The following KLHDC10 variants were observed in gnomAD, a reference collection of about 807,000 sequenced individuals.
KLHDC10 encodes the protein kelch domain-containing protein 10.
KLHDC10 carries 24 observed loss-of-function variants against 56.1 expected under a neutral mutation model. That is an observed-to-expected ratio of 0.43 (90% confidence interval 0.31 to 0.60). The LOEUF (loss-of-function observed/expected upper bound fraction) is 0.60, where lower values mean the gene tolerates loss of function less well. Ranked by LOEUF, KLHDC10 falls within the 20% of genes least tolerant of loss-of-function variation. The pLI is 0.11. For synonymous variants in KLHDC10, 188 were observed against 207.1 expected (o/e 0.91, Z 0.79); for missense variants, 349 against 567.0 (o/e 0.62, Z 3.91).
At chr7:130,074,686 T>A (rs1049242990) in intron 1 of KLHDC10, among the ~76,000 whole-genome samples, 1 of 150,798 alleles carries the variant, frequency 6.6e-6, no homozygotes, top group Non-Finnish European at 1.5e-5. Flanking sequence ...AGTGGCGCAA[T>A]GTCACTGCAA....
At chr7:130,098,542 C>T (rs775061516) in intron 2 of KLHDC10, among the ~76,000 whole-genome samples, 16 of 152,072 alleles carry the variant, frequency 1.1e-4, no homozygotes, top group Non-Finnish European at 1.0e-4. Flanking sequence ...ATTGTACACA[C>T]ATGGCCAAGC....
At chr7:130,085,021 T>C (rs1414362258) in intron 1 of KLHDC10, among the ~76,000 whole-genome samples, 1 of 152,036 alleles carries the variant, frequency 6.6e-6, no homozygotes, top group East Asian at 1.9e-4. Flanking sequence ...TTGGAATTAT[T>C]AGCAAGCCAT....
intron 2 of KLHDC10, among the ~76,000 whole-genome samples, chr7:130,098,365 C>T (rs1795880718): frequency 6.6e-6 from 1 of 152,064 alleles, no homozygotes; most frequent in South Asian, 2.1e-4. Context: ...TGGTGGTACA[C>T]ACTTATAGTC....
At chr7:130,091,970 A>G (rs1007037885) in intron 1 of KLHDC10, among the ~76,000 whole-genome samples, 4 of 152,344 alleles carry the variant, frequency 2.6e-5, no homozygotes, top group African/African-American at 9.6e-5. Context: ...GTAGGTATAG[A>G]ATTCTAAATG....
chr7:130,070,930 G>T, intron 1 of KLHDC10, 121 bp downstream of exon 1: 1 of 609,642 alleles, frequency 1.6e-6, no homozygotes, highest in Non-Finnish European at 2.4e-6. Context: ...CATAGCAGAG[G>T]GACTGGGGAT....
At chr7:130,128,185 GATA>G (rs1796338203) in intron 8 of KLHDC10, among the ~76,000 whole-genome samples, 1 of 152,336 alleles carries the variant, frequency 6.6e-6, no homozygotes, top group East Asian at 1.9e-4. Context: ...AAGATTTATA[GATA>G]ATGACATTGC....
chr7:130,076,702 C>G (rs1795509033), intron 1 of KLHDC10, among the ~76,000 whole-genome samples: 1 of 152,130 alleles, frequency 6.6e-6, no homozygotes, highest in African/African-American at 2.4e-5. Flanking sequence ...ATGGCAGTGT[C>G]CTTCATTTAG....
chr7:130,104,538 A>G (rs1267038822), intron 2 of KLHDC10, among the ~76,000 whole-genome samples: 1 of 152,256 alleles, frequency 6.6e-6, no homozygotes, highest in Non-Finnish European at 1.5e-5. Flanking sequence ...AAGAGGCTTA[A>G]GCAGGTGTTC....
At chr7:130,092,267 T>C (rs912897764) in intron 1 of KLHDC10, among the ~76,000 whole-genome samples, 12 of 152,242 alleles carry the variant, frequency 7.9e-5, no homozygotes, top group African/African-American at 2.7e-4. Context: ...CTTTTTTCCA[T>C]CTGAAGTATA....
chr7:130,083,403 A>G (rs1320559428), intron 1 of KLHDC10, among the ~76,000 whole-genome samples: 1 of 152,070 alleles, frequency 6.6e-6, no homozygotes, highest in Non-Finnish European at 1.5e-5. Context: ...CTTTCATTTT[A>G]TATTTCAGCT....
chr7:130,127,533 C>A, intron 8 of KLHDC10, 82 bp downstream of exon 8: 1 of 951,210 alleles, frequency 1.1e-6, no homozygotes, highest in Non-Finnish European at 1.7e-6. Flanking sequence ...ATAGCCCCCT[C>A]AAAAGAGGCT....
intron 1 of KLHDC10, among the ~76,000 whole-genome samples, chr7:130,084,005 G>T (rs769379562): frequency 4.6e-5 from 7 of 152,042 alleles, no homozygotes; most frequent in Non-Finnish European, 8.8e-5. Flanking sequence ...CAACTTACTT[G>T]AGGTGTTCTC....
intron 2 of KLHDC10, among the ~76,000 whole-genome samples, chr7:130,108,922 T>C (rs1796060329): frequency 6.6e-6 from 1 of 152,098 alleles, no homozygotes; most frequent in South Asian, 2.1e-4. Flanking sequence ...TTGCTCTCTC[T>C]CTCTTTTTTT....
intron 1 of KLHDC10, among the ~76,000 whole-genome samples, chr7:130,080,265 T>G (rs1243962152): frequency 6.6e-6 from 1 of 152,126 alleles, no homozygotes; most frequent in African/African-American, 2.4e-5. Flanking sequence ...TCTATGCATT[T>G]TTTCCCCTCT....
At chr7:130,081,428 C>T (rs1025721165) in intron 1 of KLHDC10, among the ~76,000 whole-genome samples, 3 of 152,156 alleles carry the variant, frequency 2.0e-5, no homozygotes, top group African/African-American at 7.2e-5. Flanking sequence ...AAGCTATTCT[C>T]CTGTCTCAGC....
At chr7:130,122,792 C>T (rs1313528012) in intron 5 of KLHDC10, among the ~76,000 whole-genome samples, 1 of 152,226 alleles carries the variant, frequency 6.6e-6, no homozygotes, top group East Asian at 1.9e-4. Flanking sequence ...AGTGATCTGC[C>T]TGCCCTTGGC....
Position 130,077,579 on chromosome 7 carries a change from G to A in KLHDC10, c.166+6770G>A, listed in dbSNP as rs572719053. On this transcript the variant is annotated intron_variant, in intron 1 of 9. Coordinates refer to ENST00000335420, the MANE Select transcript of KLHDC10 (RefSeq NM_014997.4). ...TCTTTTTTTTTTTTTTTTTTGAGAC[G>A]GAGTCTTGCTCTGTCGCCCAGGCTG... 5.7e-3 allele frequency among the ~76,000 whole-genome samples: 679 copies of A among 118,350 alleles called. 6 individuals are homozygous for A. Among genetic ancestry groups the A allele is most frequent in the African/African-American group, 0.019 (630 of 32,628 alleles). The allele number at this position is 118,350 out of a possible 152,430, so 77.6% of individuals were successfully genotyped here.
chr7:130,128,889 A>ATATATATATAT (rs1554468214), intron 8 of KLHDC10, among the ~76,000 whole-genome samples: 2 of 66,956 alleles, frequency 3.0e-5, no homozygotes, highest in East Asian at 3.0e-4. Context: ...AAAAAAAAAA[A>ATATATATATAT]ATATATATAT....
At chr7:130,081,400 C>T (rs1391729359) in intron 1 of KLHDC10, among the ~76,000 whole-genome samples, 1 of 152,056 alleles carries the variant, frequency 6.6e-6, no homozygotes, top group Non-Finnish European at 1.5e-5. Context: ...CTCACTGCAA[C>T]CTCTGCCTCC....
Sources: gnomAD v4.1 joint callset for allele counts (sites outside exome capture counted in the v4.1 genomes callset) on GRCh38, gnomAD v4.1.1 for gene constraint, MANE v1.5 for transcripts, NCBI Gene and HGNC (gene_info 2026-07-23, HGNC 2026-07-21) for gene names.